PIK3C2B: variants seen among roughly 807,000 people sequenced by gnomAD.
PIK3C2B encodes phosphatidylinositol 4-phosphate 3-kinase C2 domain-containing subunit beta.
Under a neutral mutation model 184.3 loss-of-function variants are expected in PIK3C2B, and 83 were observed. The observed-to-expected ratio is 0.45, with a 90% CI of 0.38 to 0.54. PIK3C2B has a LOEUF of 0.54. PIK3C2B is among the 20% of genes least tolerant of loss of function. PIK3C2B has a pLI of 0.00. For missense variants in PIK3C2B, 1,736 were observed against 2,113.5 expected (o/e 0.82, Z 3.50); for synonymous variants, 779 against 837.6 (o/e 0.93, Z 1.21).
intron 1 of PIK3C2B, among the ~76,000 whole-genome samples, chr1:204,473,455 A>G (rs1227515164): frequency 6.6e-6 from 1 of 151,958 alleles, no homozygotes. Context: ...TAGCATAAGC[A>G]GATGGAGATA....
intron 1 of PIK3C2B, among the ~76,000 whole-genome samples, chr1:204,482,318 G>A (rs1230050194): frequency 2.0e-5 from 3 of 152,154 alleles, no homozygotes; most frequent in African/African-American, 4.8e-5. Flanking sequence ...AGGTGGCCAC[G>A]GTCCTCTGCC....
chr1:204,465,165 C>A, intron 3 of PIK3C2B, 54 bp downstream of exon 3: 1 of 743,748 alleles, frequency 1.3e-6, no homozygotes, highest in African/African-American at 1.8e-5. Context: ...TGGATGGCCC[C>A]CCTCCCCATC....
chr1:204,444,465 G>A (rs1653677501), intron 16 of PIK3C2B, 41 bp from the exon 17 acceptor site: 3 of 1,477,796 alleles, frequency 2.0e-6, no homozygotes, highest in Non-Finnish European at 2.8e-6. Context: ...CTAGCTGCAA[G>A]TTGAGGCACA....
chr1:204,448,377 C>T (rs940598933), intron 14 of PIK3C2B, among the ~76,000 whole-genome samples: 17 of 152,298 alleles, frequency 1.1e-4, no homozygotes, highest in Admixed American at 7.8e-4. Context: ...GCTGGGATTG[C>T]AGGCATGAGC....
At chr1:204,478,239 C>T (rs1258147398) in intron 1 of PIK3C2B, among the ~76,000 whole-genome samples, 2 of 152,116 alleles carry the variant, frequency 1.3e-5, no homozygotes, top group Non-Finnish European at 2.9e-5. Context: ...GTCCATCCCC[C>T]AGCACCCACA....
At position 204,460,665 on chromosome 1, in the gene PIK3C2B, G is replaced by T; in HGVS notation, c.1311-4C>A. 1.3e-6 allele frequency: 2 copies of T among 1,586,864 alleles called. No homozygotes were observed. Among genetic ancestry groups the T allele is most frequent in the Non-Finnish European group, 1.7e-6 (2 of 1,155,056 alleles). On this transcript the variant is annotated splice_polypyrimidine_tract_variant and splice_region_variant and intron_variant, in intron 5 of 32. Transcript: ENST00000684373. ...ATGACTGCCCAAGGCATGCTTGCTG[G>T]TAGGGTAGAGGGACAAGACCATTAG...
Position 204,433,510 on chromosome 1 carries a change from A to G in PIK3C2B, c.3844-85T>C. ...TCTCTACCCTTAGGCAAGGTTTTCT[A>G]CAGCTAGGCTCCCTAACCCTTCTAG... On this transcript the variant is annotated intron_variant, in intron 25 of 32. Transcript: ENST00000684373. This position sits in a 1 kb window ranked among gnomAD's most constrained non-coding sequence, Gnocchi z 5.0. The G allele has an allele frequency of 5.5e-6, 5 of 902,666 alleles. No individual in the cohort carries two copies. The highest frequency in any genetic ancestry group is 9.0e-6 in the Non-Finnish European group (5 of 554,224). 55.9% of individuals were successfully genotyped at this position (902,666 alleles called of 1,614,324 possible).
intron 10 of PIK3C2B, among the ~76,000 whole-genome samples, chr1:204,456,611 T>G (rs1287808176): frequency 6.6e-6 from 1 of 152,026 alleles, no homozygotes; most frequent in Non-Finnish European, 1.5e-5. Flanking sequence ...TAGGGAAAAT[T>G]CTTTCTCATC....
Position 204,459,922 on chromosome 1 carries a change from A to G in PIK3C2B, c.1522T>C (p.Phe508Leu). 1.2e-6 allele frequency: 2 copies of G among 1,613,954 alleles called. No homozygotes were observed. The highest frequency in any genetic ancestry group is 1.1e-5 in the South Asian group (1 of 91,050). ...TCCACCTCATTGTGGTAAGTGTCGA[A>G]CAGAAGACTCAGGGCCTGCCTGGGA... is the stretch of plus-strand genomic sequence containing the variant. Reference protein sequence around the residue: ...TISRQALSLLFDTYHNEVDAF... With the variant: ...TISRQALSLLLDTYHNEVDAF... The change falls in exon 8 of 33, where the codon TTC (phenylalanine) becomes CTC (leucine). Residue 508 changes from phenylalanine (F) to leucine (L), a missense_variant. Physicochemically the swap from Phe to Leu is conservative, Grantham distance 22 (BLOSUM62 0). This residue lies in a region of PIK3C2B where 609 missense variants were observed against 699.2 expected (regional missense o/e 0.87). Transcript: ENST00000684373.
At position 204,459,426 on chromosome 1, in the gene PIK3C2B, G is replaced by C. The variant is rs182913755; in HGVS notation, c.1566+452C>G. Among the ~76,000 whole-genome samples, 55 of 152,316 alleles carry C rather than the reference G, an allele frequency of 3.6e-4. No individual in the cohort carries two copies. The East Asian group carries it at 9.7e-3, about 27-fold the overall frequency. The stretch of plus-strand genomic sequence containing the variant: ...TTGAGACTCCGCATGAATCCAAGTG[G>C]GGAGGGCTCTGGCCCTCCCTACATG... On this transcript the variant is annotated intron_variant, in intron 8 of 32. Transcript: ENST00000684373.
At chr1:204,484,984 T>A (rs1458199948) in intron 1 of PIK3C2B, among the ~76,000 whole-genome samples, 1 of 151,554 alleles carries the variant, frequency 6.6e-6, no homozygotes, top group Non-Finnish European at 1.5e-5. Flanking sequence ...GGAGTCCAGG[T>A]CCTTAGACTC....
intron 1 of PIK3C2B, among the ~76,000 whole-genome samples, chr1:204,482,027 T>G (rs1426386599): frequency 2.7e-5 from 4 of 149,026 alleles, no homozygotes; most frequent in Admixed American, 1.4e-4. Context: ...AAGCAGAATC[T>G]AAGGAGGGGA....
intron 31 of PIK3C2B, 37 bp downstream of exon 31, chr1:204,427,611 A>T: frequency 1.4e-6 from 2 of 1,452,344 alleles, no homozygotes; most frequent in Non-Finnish European, 1.9e-6. Context: ...AAGAAACATT[A>T]AAAAAGAAAA....
At position 204,427,764 on chromosome 1, in the gene PIK3C2B, C is replaced by T; in HGVS notation, c.4481-10G>A. 6.3e-7 allele frequency: 1 copy of T among 1,594,952 alleles called. No individual in the cohort carries two copies. The highest frequency in any genetic ancestry group is 8.6e-7 in the Non-Finnish European group (1 of 1,162,668). On this transcript the variant is annotated splice_polypyrimidine_tract_variant and intron_variant, in intron 30 of 32. Coordinates refer to ENST00000684373, the MANE Select transcript of PIK3C2B (RefSeq NM_001377334.1). ...CGGGCCCATGTGCCATCTGTAGGGA[C>T]AAATGAAACCATGAAGGGTCAAGAG...
intron 18 of PIK3C2B, 23 bp from the exon 19 acceptor site, chr1:204,443,620 A>C: frequency 3.1e-6 from 5 of 1,610,388 alleles, no homozygotes; most frequent in Non-Finnish European, 4.2e-6. Context: ...GGGAGTCAGG[A>C]GTCAGGGCAC....
In PIK3C2B at chr1:204,445,206, GA is replaced by G. The variant is rs771864314; in HGVS notation, c.2678+749del. The stretch of plus-strand genomic sequence containing the variant: ...CTTATGTATAAATGTTGCCCCAAAA[GA>G]AAAAAAAAAAAAAACAGAACAAACA... On this transcript the variant is annotated intron_variant, in intron 16 of 32. Transcript: ENST00000684373. Among the ~76,000 whole-genome samples the G allele has an allele frequency of 5.9e-3, 699 of 117,980 alleles. 5 individuals are homozygous for G. Among genetic ancestry groups the G allele is most frequent in the African/African-American group, 0.017 (528 of 31,280 alleles). 77.4% of individuals were successfully genotyped at this position (117,980 alleles called of 152,430 possible).
intron 26 of PIK3C2B, among the ~76,000 whole-genome samples, 161 bp from the exon 27 acceptor site, chr1:204,432,562 C>T (rs186270006): frequency 1.4e-4 from 22 of 152,146 alleles, no homozygotes; most frequent in African/African-American, 5.1e-4. Context: ...GACTGGCACA[C>T]AATAATCTCA....
At chr1:204,430,077 A>G in intron 28 of PIK3C2B, 39 bp from the exon 29 acceptor site, 1 of 1,271,304 alleles carries the variant, frequency 7.9e-7, no homozygotes. Flanking sequence ...GCAGGAGGTG[A>G]AGATGGGGAA....
Position 204,433,325 on chromosome 1 carries a change from T to C in PIK3C2B, c.3944A>G (p.Tyr1315Cys). 1 of 1,554,254 alleles carries C rather than the reference T, an allele frequency of 6.4e-7. No individual in the cohort carries two copies. Among genetic ancestry groups the C allele is most frequent in the South Asian group, 1.1e-5 (1 of 89,864 alleles). The change falls in exon 26 of 33, where the codon TAC becomes TGC. Residue 1315 changes from tyrosine (Y) to cysteine (C), a missense_variant. This residue lies in a region of PIK3C2B where 119 missense variants were observed against 179.3 expected (regional missense o/e 0.66). Transcript: ENST00000684373. This position sits in a 1 kb window ranked among gnomAD's most constrained non-coding sequence, Gnocchi z 5.0. ...PQDTEANATT[Y>C]FTRLIESSLG... Reference sequence around the variant, plus strand: ...CAGGGAATCATTTTACCTAGTGAAGTAGGTAGTGGCATTGGCCTCTGTATC... The same window carrying C: ...CAGGGAATCATTTTACCTAGTGAAGCAGGTAGTGGCATTGGCCTCTGTATC...
Sources: allele counts gnomAD v4.1 joint callset (sites outside exome capture counted in the v4.1 genomes callset), GRCh38; gene constraint gnomAD v4.1.1; regional missense constraint gnomAD v4.1.1; non-coding constraint Gnocchi (gnomAD v3.1); transcripts MANE v1.5; gene names NCBI Gene and HGNC (gene_info 2026-07-23, HGNC 2026-07-21).